The following DNAH10 variants were observed in gnomAD, a reference collection of about 807,000 sequenced individuals.
DNAH10 encodes the protein axonemal beta dynein heavy chain 10.
A neutral mutation model predicts 506.6 loss-of-function variants in DNAH10; 348 were observed. That is an observed-to-expected ratio of 0.69 (90% CI 0.63 to 0.75). The LOEUF is 0.75. DNAH10 is among the 30% of genes least tolerant of loss of function. The pLI is 0.00. For missense variants in DNAH10, 5,179 were observed against 5,787.1 expected, an observed-to-expected ratio of 0.89 and a Z score of 3.41; for synonymous variants, 2,059 against 2,198.6, an observed-to-expected ratio of 0.94 and a Z score of 1.78.
intron 56 of DNAH10, among the ~76,000 whole-genome samples, chr12:123,900,854 T>G (rs534600959): frequency 6.6e-6 from 1 of 152,246 alleles, no homozygotes; most frequent in Admixed American, 6.5e-5. Flanking sequence ...CAGCATGAGG[T>G]TGGCATCCTA....
chr12:123,840,982 G>T (rs368696520), intron 29 of DNAH10, among the ~76,000 whole-genome samples: 2 of 152,198 alleles, frequency 1.3e-5, no homozygotes, highest in East Asian at 1.9e-4. Context: ...CTGTTCCCCA[G>T]CCTGGGGTGT....
At position 123,919,027 on chromosome 12, in the gene DNAH10, G is replaced by GA. The variant is rs1291527902; in HGVS notation, c.11506+82dup. The GA allele has an allele frequency of 8.4e-6, 12 of 1,427,354 alleles. No homozygotes were observed. The East Asian group carries it at 2.6e-4, about 31-fold the overall frequency. 88.4% of individuals were successfully genotyped at this position (1,427,354 alleles called of 1,614,324 possible). On this transcript the variant is annotated intron_variant, in intron 65 of 78. Transcript: ENST00000673944. The surrounding 1 kb of genome is among the most constrained non-coding windows in gnomAD (Gnocchi z 4.9). Reference sequence around the variant, plus strand: ...GTGGCTTTAAGGAAACGTGATCTGTGAAAATGGAAAGTTACCAAATAGCAT... The same window carrying GA: ...GTGGCTTTAAGGAAACGTGATCTGTGAAAAATGGAAAGTTACCAAATAGCAT...
chr12:123,928,530 G>A lies in DNAH10; in HGVS notation c.12249G>A (p.Trp4083Ter). ...ITKPHPDFRL[W>*]LTTDPTKGFP... Reference sequence around the variant, plus strand: ...AGCCCCACCCAGACTTCCGCCTGTGGCTCACCACGGACCCCACCAAGGGCT... The same window carrying A: ...AGCCCCACCCAGACTTCCGCCTGTGACTCACCACGGACCCCACCAAGGGCT... Residue 4083 changes from tryptophan to a stop codon, truncating the protein, a stop_gained, in exon 70 of 79, where the codon TGG (tryptophan) becomes TGA (stop). Transcript: ENST00000673944. LOFTEE classifies it high-confidence loss of function. The surrounding 1 kb of genome is among the most constrained non-coding windows in gnomAD (Gnocchi z 4.9). 2 of 1,611,146 alleles carry A rather than the reference G, an allele frequency of 1.2e-6. No homozygotes were observed. The highest frequency in any genetic ancestry group is 8.5e-7 in the Non-Finnish European group (1 of 1,178,768).
chr12:123,780,340 A>G (rs1957599582), intron 5 of DNAH10, among the ~76,000 whole-genome samples: 1 of 151,782 alleles, frequency 6.6e-6, no homozygotes, highest in Non-Finnish European at 1.5e-5. Flanking sequence ...TGATTTTTGT[A>G]TTTTTAGTAG....
intron 18 of DNAH10, among the ~76,000 whole-genome samples, chr12:123,806,470 T>C (rs1279455121): frequency 6.6e-6 from 1 of 152,230 alleles, no homozygotes; most frequent in Non-Finnish European, 1.5e-5. Flanking sequence ...GTCTGATTAG[T>C]GTCTTCTTCG....
intron 67 of DNAH10, among the ~76,000 whole-genome samples, chr12:123,924,818 T>C (rs914585146): frequency 3.7e-4 from 57 of 152,208 alleles, no homozygotes; most frequent in African/African-American, 1.3e-3. Flanking sequence ...GCATCTGCCA[T>C]GTACCATGTC....
intron 62 of DNAH10, among the ~76,000 whole-genome samples, chr12:123,915,377 C>A (rs1954429575): frequency 6.6e-6 from 1 of 152,136 alleles, no homozygotes; most frequent in East Asian, 1.9e-4. Flanking sequence ...ATTCACATAC[C>A]ACACCTTTCC....
intron 10 of DNAH10, among the ~76,000 whole-genome samples, chr12:123,789,171 C>T (rs1277332647): frequency 6.6e-6 from 1 of 151,798 alleles, no homozygotes. Flanking sequence ...TTGCTTGAAC[C>T]TGGGAGGTGG....
At chr12:123,769,604 A>G (rs1957174073) in intron 2 of DNAH10, among the ~76,000 whole-genome samples, 1 of 152,160 alleles carries the variant, frequency 6.6e-6, no homozygotes, top group South Asian at 2.1e-4. Flanking sequence ...TTGGGAAGGA[A>G]GAGCTGTTTA....
chr12:123,789,226 C>T (rs1486155796), intron 10 of DNAH10, among the ~76,000 whole-genome samples: 1 of 151,476 alleles, frequency 6.6e-6, no homozygotes, highest in Non-Finnish European at 1.5e-5. Flanking sequence ...GCCTGGGTGA[C>T]AGAGCAAGAC....
In DNAH10 at chr12:123,925,296, C is replaced by T; in HGVS notation, c.11921+92C>T. 6.4e-7 allele frequency: 1 copy of T among 1,566,550 alleles called. No homozygotes were observed. Among genetic ancestry groups the T allele is most frequent in the Non-Finnish European group, 8.7e-7 (1 of 1,147,144 alleles). On this transcript the variant is annotated intron_variant, in intron 68 of 78. Coordinates refer to ENST00000673944, the MANE Select transcript of DNAH10 (RefSeq NM_001372106.1). This position sits in a 1 kb window ranked among gnomAD's most constrained non-coding sequence, Gnocchi z 4.0. ...GGACTCAAAGAAAGCAGAGGCTGAC[C>T]AGCTCCCGAGACAGCTGTCGCCACC...
Position 123,909,400 on chromosome 12 carries a change from G to C in DNAH10, c.9955G>C (p.Asp3319His). ...PNFLRSLMEI[D>H]FDSITQSQVK... Reference sequence around the variant, plus strand: ...TTTCCTGCGGTCTCTGATGGAGATTGATTTTGATTCGATTACCCAGAGCCA... The same window carrying C: ...TTTCCTGCGGTCTCTGATGGAGATTCATTTTGATTCGATTACCCAGAGCCA... Residue 3319 changes from aspartate to histidine, a missense_variant, in exon 58 of 79, where the codon GAT becomes CAT. Physicochemically the swap from Asp to His is moderately conservative, Grantham distance 81. Around this residue, in one of 3 missense-constraint regions of DNAH10, gnomAD observed 4,844 missense variants for 5,430.5 expected, o/e 0.89. Transcript: ENST00000673944. The surrounding 1 kb of genome is among the most constrained non-coding windows in gnomAD (Gnocchi z 5.4). 2 of 1,609,300 alleles carry C rather than the reference G, an allele frequency of 1.2e-6. No individual in the cohort carries two copies. The highest frequency in any genetic ancestry group is 1.7e-6 in the Non-Finnish European group (2 of 1,177,592).
intron 12 of DNAH10, among the ~76,000 whole-genome samples, chr12:123,795,355 C>G (rs1314110778): frequency 3.3e-5 from 5 of 152,074 alleles, no homozygotes; most frequent in Non-Finnish European, 5.9e-5. Flanking sequence ...TCTTATGGTA[C>G]TGGAGGTCAG....
chr12:123,789,576 G>C (rs1377357206), intron 10 of DNAH10, among the ~76,000 whole-genome samples: 3 of 152,090 alleles, frequency 2.0e-5, no homozygotes, highest in South Asian at 4.1e-4. Context: ...CAGAGACAGG[G>C]TTTCGCCATG....
At chr12:123,885,490 T>A (rs1296017706) in intron 51 of DNAH10, among the ~76,000 whole-genome samples, 1 of 152,162 alleles carries the variant, frequency 6.6e-6, no homozygotes, top group East Asian at 1.9e-4. Context: ...CCCTATAGGA[T>A]CACTTTCTTT....
chr12:123,908,656 T>G (rs1953921814), intron 57 of DNAH10: 1 of 432,736 alleles, frequency 2.3e-6, no homozygotes, highest in Admixed American at 2.4e-5. Context: ...ACAAGGGCAG[T>G]GGACATCTGC....
rs1957763273 is a variant in DNAH10, at chr12:123,784,068, A to T, written c.1121A>T (p.Asp374Val). 6.2e-7 allele frequency: 1 copy of T among 1,613,912 alleles called. No homozygotes were observed. The highest frequency in any genetic ancestry group is 8.5e-7 in the Non-Finnish European group (1 of 1,180,032). ...GTCTTGGATGTGATCAAGGAATCCG[A>T]CTCCATGCTTGTGGCTAATCTGCAG... ...RKVLDVIKES[D>V]SMLVANLQPV... The change falls in exon 8 of 79, where the codon GAC (aspartate) becomes GTC (valine). Residue 374 changes from aspartate to valine, a missense_variant. Asp to Val is a radical substitution (Grantham distance 152, BLOSUM62 -3). Around this residue, in one of 3 missense-constraint regions of DNAH10, gnomAD observed 4,844 missense variants for 5,430.5 expected, o/e 0.89. Transcript: ENST00000673944.
chr12:123,816,851 A>T (rs989454088), intron 21 of DNAH10, among the ~76,000 whole-genome samples: 2 of 152,230 alleles, frequency 1.3e-5, no homozygotes, highest in Non-Finnish European at 2.9e-5. Context: ...GTTCAGCTTC[A>T]CTAGATTCTG....
intron 26 of DNAH10, among the ~76,000 whole-genome samples, chr12:123,832,186 A>G (rs558263653): frequency 6.6e-6 from 1 of 152,332 alleles, no homozygotes; most frequent in South Asian, 2.1e-4. Flanking sequence ...CCTAATATAC[A>G]CACGTACACA....
Sources: gnomAD v4.1 joint callset for allele counts (sites outside exome capture counted in the v4.1 genomes callset) on GRCh38, gnomAD v4.1.1 for gene constraint, gnomAD v4.1.1 regional missense constraint, Gnocchi (gnomAD v3.1) non-coding constraint, MANE v1.5 for transcripts, NCBI Gene and HGNC (gene_info 2026-07-23, HGNC 2026-07-21) for gene names.